LRRC7: variants seen among roughly 807,000 people sequenced by gnomAD.
LRRC7 encodes the protein leucine-rich repeat-containing protein 7.
Under a neutral mutation model 175.7 loss-of-function variants are expected in LRRC7, and 23 were observed. The ratio of observed to expected loss-of-function variants is 0.13; its 90% CI spans 0.09 to 0.19. The LOEUF (loss-of-function observed/expected upper bound fraction) is 0.19. Ranked by LOEUF, LRRC7 falls within the 10% of genes least tolerant of loss-of-function variation. The pLI, the probability that LRRC7 is intolerant of heterozygous loss-of-function variation, is 1.00. For synonymous variants in LRRC7, 685 were observed against 680.9 expected, an observed-to-expected ratio of 1.01 and a Z score of -0.09; for missense variants, 1,354 against 1,904.7, an observed-to-expected ratio of 0.71 and a Z score of 5.38.
At chr1:70,102,479 G>T (rs1233156915) in intron 25 of LRRC7, among the ~76,000 whole-genome samples, 2 of 152,170 alleles carry the variant, frequency 1.3e-5, no homozygotes, top group Non-Finnish European at 2.9e-5. Context: ...AACTCTCAAT[G>T]TGGGCTTTGC....
rs747894401 is a variant in LRRC7, at chr1:70,107,790, A to C, written c.4584A>C (p.Ala1528=). The part of the protein sequence containing the change: ...FVTRVQPDGP[A]SNLLQPGDKI... ...CTAGGGTTCAGCCTGATGGGCCAGC[A>C]TCAAACCTACTGCAGCCTGGTGATA... is the stretch of plus-strand genomic sequence containing the variant. The change falls in exon 26 of 27, where the codon GCA becomes GCC. Residue 1528 remains alanine, a synonymous_variant. Transcript: ENST00000651989. 1 of 1,613,462 alleles carries C rather than the reference A, an allele frequency of 6.2e-7. No homozygotes were observed. The highest frequency in any genetic ancestry group is 1.1e-5 in the South Asian group (1 of 91,010).
intron 9 of LRRC7, among the ~76,000 whole-genome samples, chr1:69,982,881 GGCTAT>G (rs768430922): frequency 1.7e-4 from 26 of 152,252 alleles, no homozygotes; most frequent in Admixed American, 9.8e-4. Flanking sequence ...ACAGTCCTCA[GGCTAT>G]GATTGCTTTG....
intron 2 of LRRC7, among the ~76,000 whole-genome samples, chr1:69,694,496 G>A (rs539593421): frequency 2.6e-5 from 4 of 152,134 alleles, no homozygotes; most frequent in East Asian, 3.9e-4. Context: ...CTCAGCTTCT[G>A]TTAGATATCT....
intron 8 of LRRC7, among the ~76,000 whole-genome samples, chr1:69,951,068 C>T (rs1386245062): frequency 1.3e-5 from 2 of 149,788 alleles, no homozygotes; most frequent in African/African-American, 4.9e-5. Context: ...TAATATCCAG[C>T]ATCTATAAGG....
rs759522446 is a variant in LRRC7, at chr1:70,038,659, T to G, written c.2835T>G (p.Asn945Lys). Reference sequence around the variant, plus strand: ...CCAATCCCAACAGGAGTCTTAGTAATGTCTTTTCTCAAATCCACTGCCGCC... The same window carrying G: ...CCAATCCCAACAGGAGTCTTAGTAAGGTCTTTTCTCAAATCCACTGCCGCC... ...HDSNPNRSLS[N>K]VFSQIHCRPE... Residue 945 changes from asparagine to lysine, a missense_variant, in exon 21 of 27, where the codon AAT (asparagine) becomes AAG (lysine). Asn to Lys is a moderately conservative substitution (Grantham distance 94). Around this residue, in one of 4 missense-constraint regions of LRRC7, gnomAD observed 1,032 missense variants for 1,227.2 expected, o/e 0.84. Coordinates refer to ENST00000651989, the MANE Select transcript of LRRC7 (RefSeq NM_001370785.2). The G allele has an allele frequency of 4.3e-6, 7 of 1,614,104 alleles. No homozygotes were observed. Among genetic ancestry groups the G allele is most frequent in the Non-Finnish European group, 5.9e-6 (7 of 1,179,994 alleles).
intron 1 of LRRC7, among the ~76,000 whole-genome samples, chr1:69,585,125 A>G (rs1646355228): frequency 6.6e-6 from 1 of 152,196 alleles, no homozygotes; most frequent in Admixed American, 6.6e-5. Context: ...AAACATTTAC[A>G]AAACTACTTC....
chr1:69,985,055 T>C (rs1355912957), intron 9 of LRRC7, among the ~76,000 whole-genome samples: 1 of 152,212 alleles, frequency 6.6e-6, no homozygotes, highest in Non-Finnish European at 1.5e-5. Flanking sequence ...GAGCAGCATC[T>C]TCCAGGCCAT....
intron 2 of LRRC7, among the ~76,000 whole-genome samples, chr1:69,681,787 G>A (rs992605982): frequency 6.6e-6 from 1 of 152,036 alleles, no homozygotes; most frequent in Non-Finnish European, 1.5e-5. Context: ...CTCCAAACCA[G>A]TCCAGTCTGA....
intron 8 of LRRC7, among the ~76,000 whole-genome samples, chr1:69,948,591 G>A (rs890942939): frequency 6.6e-6 from 1 of 152,086 alleles, no homozygotes; most frequent in African/African-American, 2.4e-5. Flanking sequence ...AGAAATGTGG[G>A]TGGCAGTAGG....
At chr1:69,845,181 G>A (rs1377441183) in intron 7 of LRRC7, among the ~76,000 whole-genome samples, 3 of 152,086 alleles carry the variant, frequency 2.0e-5, no homozygotes, top group Non-Finnish European at 4.4e-5. Context: ...AGCAAAGGAG[G>A]TAGAGATTGC....
chr1:70,012,429 G>A (rs751572356), intron 12 of LRRC7, among the ~76,000 whole-genome samples: 4 of 151,472 alleles, frequency 2.6e-5, no homozygotes, highest in Non-Finnish European at 5.9e-5. Context: ...AATTTACTTG[G>A]TGCTCAAGTT....
Position 70,028,353 on chromosome 1 carries a change from A to G in LRRC7, c.1977A>G (p.Pro659=). The change falls in exon 18 of 27, where the codon CCA becomes CCG. Residue 659 remains proline (P), a synonymous_variant. Transcript: ENST00000651989. ...ATGAACACAAGTGGCCGGTAGCCCC[A>G]AAGGAGATTACAGTGGAGGTATTTG... ...EKYEHKWPVA[P]KEITVEDSFV... 1.2e-6 allele frequency: 2 copies of G among 1,613,510 alleles called. No homozygotes were observed. Among genetic ancestry groups the G allele is most frequent in the South Asian group, 2.2e-5 (2 of 91,058 alleles).
chr1:70,092,420 A>G (rs773258654), intron 25 of LRRC7, among the ~76,000 whole-genome samples: 14 of 152,162 alleles, frequency 9.2e-5, no homozygotes, highest in Non-Finnish European at 2.1e-4. Flanking sequence ...TCTCAGAAAT[A>G]CACTATATTA....
chr1:70,098,236 G>GT (rs1357960980), intron 25 of LRRC7, among the ~76,000 whole-genome samples: 4 of 152,036 alleles, frequency 2.6e-5, no homozygotes, highest in African/African-American at 4.8e-5. Flanking sequence ...TTTTTCATGT[G>GT]TTTTTTGGCT....
At chr1:69,753,325 TTAG>T (rs1345504685) in intron 2 of LRRC7, among the ~76,000 whole-genome samples, 3 of 151,042 alleles carry the variant, frequency 2.0e-5, no homozygotes, top group Middle Eastern at 3.4e-3. Context: ...TGTGTGTGTG[TTAG>T]AACTACTTCT....
At chr1:69,653,653 C>T (rs1173027262) in intron 1 of LRRC7, among the ~76,000 whole-genome samples, 1 of 152,016 alleles carries the variant, frequency 6.6e-6, no homozygotes, top group Non-Finnish European at 1.5e-5. Context: ...CACTTCTAGG[C>T]ATTTATCCAA....
chr1:69,941,349 T>C (rs1648689842), intron 8 of LRRC7, among the ~76,000 whole-genome samples: 1 of 152,114 alleles, frequency 6.6e-6, no homozygotes, highest in South Asian at 2.1e-4. Context: ...CATTAGGTCA[T>C]ATTAATTAAT....
intron 1 of LRRC7, among the ~76,000 whole-genome samples, chr1:69,573,981 T>G (rs1645841947): frequency 6.6e-6 from 1 of 152,108 alleles, no homozygotes. Flanking sequence ...TGCCAGGATA[T>G]TTTTGCTGTA....
rs1490233048 is a variant in LRRC7 at position 69,994,626 on chromosome 1, A to G, written c.997A>G (p.Ile333Val). 1 of 1,608,728 alleles carries G rather than the reference A, an allele frequency of 6.2e-7. No individual in the cohort carries two copies. Among genetic ancestry groups the G allele is most frequent in the Admixed American group, 1.7e-5 (1 of 59,432 alleles). ...DNQLTMLPNT[I>V]GNLSLLEEFD... is the part of the protein sequence containing the mutation. ...TCAACTTACAATGCTACCCAATACA[A>G]TTGGAAAGTAAGTGCCAACTTTTCA... Residue 333 changes from isoleucine to valine, a missense_variant, in exon 11 of 27, where the codon ATT (isoleucine) becomes GTT (valine). Transcript: ENST00000651989.
Sources: allele counts gnomAD v4.1 joint callset (sites outside exome capture counted in the v4.1 genomes callset), GRCh38; gene constraint gnomAD v4.1.1; regional missense constraint gnomAD v4.1.1; transcripts MANE v1.5; gene names NCBI Gene and HGNC (gene_info 2026-07-23, HGNC 2026-07-21).